The following TCERG1 variants were observed in gnomAD, a reference collection of about 807,000 sequenced individuals.
TCERG1 encodes the protein transcription elongation regulator 1.
In TCERG1, 37 loss-of-function variants were observed where a neutral mutation model predicts 144.7. The ratio of observed to expected loss-of-function variants is 0.26; its 90% CI spans 0.20 to 0.34. TCERG1 has a LOEUF of 0.34. Ranked by LOEUF, TCERG1 falls within the 10% of genes least tolerant of loss-of-function variation. The pLI is 1.00. For synonymous variants in TCERG1, 492 were observed against 458.2 expected (o/e 1.07, Z -0.94); for missense variants, 1,027 against 1,380.7 (o/e 0.74, Z 4.06).
intron 15 of TCERG1, among the ~76,000 whole-genome samples, chr5:146,485,384 A>G (rs1365970324): frequency 6.6e-6 from 1 of 152,210 alleles, no homozygotes; most frequent in Non-Finnish European, 1.5e-5. Context: ...CAAAATATAA[A>G]TTGTATGAGG....
In TCERG1 at chr5:146,447,370, C is replaced by A. The variant is rs774807368; in HGVS notation, c.21C>A (p.Asp7Glu). The change falls in exon 1 of 23, where the codon GAC (aspartate) becomes GAA (glutamate). Residue 7 changes from aspartate to glutamate, a missense_variant. Coordinates refer to ENST00000679501, the MANE Select transcript of TCERG1 (RefSeq NM_001382548.1). MAERGGDGGESERFNPG... is the reference protein window; with the variant it reads MAERGGEGGESERFNPG... Reference sequence around the variant, plus strand: ...CTGTAATGGCGGAGCGTGGCGGGGACGGGGGCGAGAGTGAACGATTCAACC... The same window carrying A: ...CTGTAATGGCGGAGCGTGGCGGGGAAGGGGGCGAGAGTGAACGATTCAACC... The A allele has an allele frequency of 4.3e-6, 7 of 1,610,810 alleles. No individual in the cohort carries two copies. The highest frequency in any genetic ancestry group is 1.1e-5 in the South Asian group (1 of 90,862).
At chr5:146,485,420 A>T (rs1032086397) in intron 15 of TCERG1, among the ~76,000 whole-genome samples, 4 of 152,126 alleles carry the variant, frequency 2.6e-5, no homozygotes, top group African/African-American at 9.7e-5. Context: ...TCATTGCTTT[A>T]TTTGTAGTGC....
chr5:146,475,191 T>C (rs908614602), intron 9 of TCERG1, among the ~76,000 whole-genome samples: 13 of 152,202 alleles, frequency 8.5e-5, no homozygotes, highest in African/African-American at 2.9e-4. Context: ...TTTCCTATAG[T>C]GTTCCCAAGT....
At chr5:146,503,791 G>T in intron 18 of TCERG1, 33 bp from the exon 19 acceptor site, 1 of 1,551,012 alleles carries the variant, frequency 6.4e-7, no homozygotes, top group Admixed American at 2.2e-5. Context: ...GATGGAGTTG[G>T]TAAGAAGGAT....
chr5:146,475,569 T>C (rs1171423085), intron 9 of TCERG1, among the ~76,000 whole-genome samples: 1 of 152,186 alleles, frequency 6.6e-6, no homozygotes, highest in Non-Finnish European at 1.5e-5. Flanking sequence ...CTGGCCAAGA[T>C]TGATTAAATC....
At chr5:146,505,073 G>A (rs1199395230) in intron 19 of TCERG1, among the ~76,000 whole-genome samples, 11 of 133,042 alleles carry the variant, frequency 8.3e-5, no homozygotes, top group African/African-American at 3.1e-4. Context: ...TAACACTAAT[G>A]ATAGCCAATG....
Position 146,463,757 on chromosome 5 carries a change from C to T in TCERG1, c.1099C>T (p.Arg367Cys). 2 of 1,614,200 alleles carry T rather than the reference C, an allele frequency of 1.2e-6. No individual in the cohort carries two copies. The highest frequency in any genetic ancestry group is 1.7e-6 in the Non-Finnish European group (2 of 1,180,026). ...AFPPVMVPPF[R>C]VPLPGMPIPL... ...TCCACCAGTAATGGTACCTCCGTTTCGTGTTCCCCTTCCTGGCATGCCAAT... is the reference window on the plus strand; with the variant it reads ...TCCACCAGTAATGGTACCTCCGTTTTGTGTTCCCCTTCCTGGCATGCCAAT... Residue 367 changes from arginine to cysteine, a missense_variant, in exon 5 of 23, where the codon CGT becomes TGT. Arg to Cys is a radical substitution (Grantham distance 180). Around this residue, in one of 6 missense-constraint regions of TCERG1, gnomAD observed 482 missense variants for 632.6 expected, o/e 0.76. Transcript: ENST00000679501.
chr5:146,503,794 A>G, intron 18 of TCERG1, 30 bp from the exon 19 acceptor site: 2 of 1,553,428 alleles, frequency 1.3e-6, no homozygotes, highest in Non-Finnish European at 1.7e-6. Flanking sequence ...GGAGTTGGTA[A>G]GAAGGATAAT....
rs1237636679 is a variant in TCERG1, at chr5:146,459,051, AGCTCAGGCCCAG to A, written c.615_626del (p.Ala239_Gln242del). 26 of 1,597,362 alleles carry A rather than the reference AGCTCAGGCCCAG, an allele frequency of 1.6e-5. No individual in the cohort carries two copies. The highest frequency in any genetic ancestry group is 3.3e-4 in the Middle Eastern group (2 of 6,020). ...AGGCGCAGGCTCAGGCCCAGGCACA[AGCTCAGGCCCAG>A]GCTCAGGCTCAGGCCCAGGCCCAGG... On this transcript the variant is annotated inframe_deletion, in exon 4 of 23. Coordinates refer to ENST00000679501, the MANE Select transcript of TCERG1 (RefSeq NM_001382548.1).
In TCERG1 at chr5:146,471,493, C is replaced by T. The variant is rs1423710830; in HGVS notation, c.1518C>T (p.Pro506=). The part of the protein sequence containing the change: ...EEPIKEIKEE[P]KEEEMTEEEK... The stretch of plus-strand genomic sequence containing the variant: ...AGTAATATCATTTCTTGTAGGAGCC[C>T]AAAGAAGAGGAGATGACTGAAGAAG... The change falls in exon 9 of 23, where the codon CCC becomes CCT. Residue 506 remains proline (P), a synonymous_variant. Transcript: ENST00000679501. 6.2e-7 allele frequency: 1 copy of T among 1,611,828 alleles called. No homozygotes were observed.
chr5:146,510,345 A>G (rs1768361491), intron 22 of TCERG1, 96 bp from the exon 23 acceptor site: 1 of 892,042 alleles, frequency 1.1e-6, no homozygotes, highest in Admixed American at 3.0e-5. Context: ...AAAAAAATGG[A>G]AACACAATTA....
chr5:146,459,408 A>T (rs1763151924), intron 4 of TCERG1, 71 bp downstream of exon 4: 1 of 1,545,712 alleles, frequency 6.5e-7, no homozygotes, highest in Admixed American at 2.0e-5. Flanking sequence ...TACATTTCAT[A>T]TTGATCCCAG....
intron 15 of TCERG1, among the ~76,000 whole-genome samples, chr5:146,487,778 A>T (rs1765990200): frequency 6.6e-6 from 1 of 152,038 alleles, no homozygotes; most frequent in Non-Finnish European, 1.5e-5. Flanking sequence ...ACCAAAAAAG[A>T]CTTAAAATAG....
intron 4 of TCERG1, among the ~76,000 whole-genome samples, chr5:146,462,483 T>G (rs1763422704): frequency 1.3e-5 from 2 of 152,160 alleles, no homozygotes; most frequent in South Asian, 4.1e-4. Flanking sequence ...AAATAAGGAT[T>G]TTAGTTTTTA....
At chr5:146,483,457 A>G (rs1765541654) in intron 14 of TCERG1, 83 bp from the exon 15 acceptor site, 1 of 1,186,834 alleles carries the variant, frequency 8.4e-7, no homozygotes, top group Non-Finnish European at 1.2e-6. Flanking sequence ...ATAAACAGAT[A>G]TCCTGTAGAT....
In TCERG1 at chr5:146,510,753, CAGAA is replaced by C; in HGVS notation, c.*112_*115del. On this transcript the variant is annotated 3_prime_UTR_variant, in exon 23 of 23. Transcript: ENST00000679501. ...ACCTATTGCGAAACCATCTGACAAA[CAGAA>C]GGAGAAGCATTTGTGAACAGTTTCT... The C allele has an allele frequency of 7.0e-6, 7 of 1,005,724 alleles. No homozygotes were observed. In the South Asian group the frequency reaches 8.0e-5, roughly 12 times the overall value. 62.3% of individuals were successfully genotyped at this position (1,005,724 alleles called of 1,614,324 possible).
chr5:146,476,629 G>T (rs1207701121), intron 9 of TCERG1, among the ~76,000 whole-genome samples: 1 of 152,098 alleles, frequency 6.6e-6, no homozygotes, highest in African/African-American at 2.4e-5. Context: ...ATATATTCCT[G>T]GGTTGTGGTT....
chr5:146,453,056 G>T (rs987068927), intron 1 of TCERG1, among the ~76,000 whole-genome samples: 43 of 152,140 alleles, frequency 2.8e-4, no homozygotes, highest in Admixed American at 2.7e-3. Flanking sequence ...GCACTGCCTG[G>T]CTCATAGTAA....
chr5:146,498,779 A>C (rs780018950), intron 17 of TCERG1, 93 bp downstream of exon 17: 122 of 1,360,372 alleles, frequency 9.0e-5, no homozygotes, highest in Non-Finnish European at 1.1e-4. Context: ...ATTCATTGGC[A>C]TAAATAATAG....
Sources: allele counts gnomAD v4.1 joint callset (sites outside exome capture counted in the v4.1 genomes callset), GRCh38; gene constraint gnomAD v4.1.1; regional missense constraint gnomAD v4.1.1; transcripts MANE v1.5; gene names NCBI Gene and HGNC (gene_info 2026-07-23, HGNC 2026-07-21).